Variants in MARCHF4 observed in about 807,000 individuals in gnomAD.
The protein encoded by MARCHF4 is E3 ubiquitin-protein ligase MARCHF4.
MARCHF4 carries 14 observed loss-of-function variants against 43.9 expected under a neutral mutation model. The ratio of observed to expected loss-of-function variants is 0.32; its 90% CI spans 0.21 to 0.50. MARCHF4 has a LOEUF of 0.50. MARCHF4 is among the 20% of genes least tolerant of loss of function. The probability of loss-of-function intolerance (pLI) is 0.98; values close to 1 mark genes in which losing one functional copy is unlikely to be tolerated. For missense variants in MARCHF4, 468 were observed against 536.7 expected (o/e 0.87, Z 1.27); for synonymous variants, 226 against 213.3 (o/e 1.06, Z -0.52).
intron 1 of MARCHF4, among the ~76,000 whole-genome samples, chr2:216,294,554 C>T (rs1401959720): frequency 6.6e-6 from 1 of 152,200 alleles, no homozygotes; most frequent in African/African-American, 2.4e-5. Flanking sequence ...CCAGCTCTGC[C>T]ACCCTCTCAG....
intron 3 of MARCHF4, among the ~76,000 whole-genome samples, chr2:216,272,147 T>C (rs1055672419): frequency 1.2e-4 from 18 of 152,030 alleles, no homozygotes; most frequent in African/African-American, 4.3e-4. Context: ...AGCTACTGTG[T>C]CTGGCCTGAA....
At chr2:216,259,923 C>T (rs1690714293) in intron 3 of MARCHF4, among the ~76,000 whole-genome samples, 1 of 152,192 alleles carries the variant, frequency 6.6e-6, no homozygotes, top group Non-Finnish European at 1.5e-5. Flanking sequence ...ACTTCTACAC[C>T]ACCCCACCCC....
chr2:216,259,197 C>A lies in MARCHF4; in HGVS notation c.*115G>T. On this transcript the variant is annotated 3_prime_UTR_variant, in exon 4 of 4. Coordinates refer to ENST00000273067, the MANE Select transcript of MARCHF4 (RefSeq NM_020814.3). ...TCTGACACTACCCCAGGGCTCCCGC[C>A]AGGTCCCCCACCCTCTGCCTGCTCC... 1 of 1,459,930 alleles carries A rather than the reference C, an allele frequency of 6.8e-7. No individual in the cohort carries two copies. The highest frequency in any genetic ancestry group is 9.1e-7 in the Non-Finnish European group (1 of 1,103,650). The allele number at this position is 1,459,930 out of a possible 1,614,324, so 90.4% of individuals were successfully genotyped here.
chr2:216,354,969 T>C (rs1031204743), intron 1 of MARCHF4, among the ~76,000 whole-genome samples: 10 of 143,992 alleles, frequency 6.9e-5, no homozygotes, highest in Admixed American at 3.5e-4. Context: ...CTTTCTTTCT[T>C]TCTTTCTTTC....
chr2:216,298,106 C>T (rs1050330181), intron 1 of MARCHF4, among the ~76,000 whole-genome samples: 5 of 152,186 alleles, frequency 3.3e-5, no homozygotes, highest in Non-Finnish European at 7.3e-5. Flanking sequence ...TCCCCATCCT[C>T]TTATGCTTCA....
chr2:216,369,698 G>T, intron 1 of MARCHF4, 47 bp downstream of exon 1: 1 of 1,478,960 alleles, frequency 6.8e-7, no homozygotes, highest in Non-Finnish European at 9.1e-7. Context: ...CAATCTGCAA[G>T]ACCTGAAAAT....
At chr2:216,312,896 A>G (rs1179942488) in intron 1 of MARCHF4, among the ~76,000 whole-genome samples, 3 of 116,234 alleles carry the variant, frequency 2.6e-5, no homozygotes, top group Non-Finnish European at 3.5e-5. Context: ...ACTAAGTCCC[A>G]TTTGTCTGTT....
At chr2:216,329,954 C>A (rs971612394) in intron 1 of MARCHF4, among the ~76,000 whole-genome samples, 1 of 151,822 alleles carries the variant, frequency 6.6e-6, no homozygotes, top group Non-Finnish European at 1.5e-5. Flanking sequence ...TGTGGTGATG[C>A]ACACCTGTCG....
chr2:216,321,503 T>C (rs998461686), intron 1 of MARCHF4: 3 of 152,108 alleles, frequency 2.0e-5, no homozygotes, highest in Admixed American at 2.0e-4. Flanking sequence ...AGGAACTGAG[T>C]TGGCAAAGAG....
intron 1 of MARCHF4, among the ~76,000 whole-genome samples, chr2:216,353,248 G>T (rs924310620): frequency 1.3e-5 from 2 of 152,164 alleles, no homozygotes; most frequent in African/African-American, 2.4e-5. Context: ...ACAGGGGTTA[G>T]CCCCAAATTC....
chr2:216,283,610 G>A lies in MARCHF4; in HGVS notation c.636C>T (p.Tyr212=), dbSNP rs751311684. 6.8e-6 allele frequency: 11 copies of A among 1,611,390 alleles called. No individual in the cohort carries two copies. The highest frequency in any genetic ancestry group is 9.3e-6 in the Non-Finnish European group (11 of 1,177,730). The change falls in exon 2 of 4, where the codon TAC becomes TAT. Residue 212 remains tyrosine, a synonymous_variant. Transcript: ENST00000273067. ...CWSCELCYYK[Y]HVIAISTKNP... ...TTTTTGTGCTTATGGCGATGACGTG[G>A]TACTTGTAGTAGCACAGCTCGCAGC...
Position 216,301,956 on chromosome 2 carries a change from G to A in MARCHF4, c.517-18227C>T, listed in dbSNP as rs188414679. 2.4e-4 allele frequency among the ~76,000 whole-genome samples: 37 copies of A among 152,326 alleles called. No homozygotes were observed. The East Asian group carries it at 4.8e-3, about 20-fold the overall frequency. ...CCTTCTAGTGAAGTGACATAGAGAA[G>A]TGGGACCAGTCATTGACCCACCCAA... is the stretch of plus-strand genomic sequence containing the variant. On this transcript the variant is annotated intron_variant, in intron 1 of 3. Coordinates refer to ENST00000273067, the MANE Select transcript of MARCHF4 (RefSeq NM_020814.3).
rs915726235 is a variant in MARCHF4, at chr2:216,359,772, G to T, written c.516+9973C>A. The stretch of plus-strand genomic sequence containing the variant: ...ACCTGCTTTCTGCTCTAAAAACGAA[G>T]TAGTACCCTTAAAGCAAGAAACCTG... On this transcript the variant is annotated intron_variant, in intron 1 of 3. Transcript: ENST00000273067. Among the ~76,000 whole-genome samples the T allele has an allele frequency of 5.3e-5, 8 of 152,200 alleles. No individual in the cohort carries two copies. In the East Asian group the frequency reaches 1.3e-3, roughly 26 times the overall value.
intron 1 of MARCHF4, among the ~76,000 whole-genome samples, chr2:216,320,242 T>C (rs576189754): frequency 1.7e-4 from 26 of 152,336 alleles, no homozygotes; most frequent in Middle Eastern, 6.8e-3. Flanking sequence ...AAGGATGCCA[T>C]GTATTAACTC....
At chr2:216,303,008 A>G (rs1290325692) in intron 1 of MARCHF4, among the ~76,000 whole-genome samples, 1 of 152,048 alleles carries the variant, frequency 6.6e-6, no homozygotes, top group African/African-American at 2.4e-5. Context: ...TCACACCTCA[A>G]TTCCATTTCT....
chr2:216,352,508 G>A (rs187600180), intron 1 of MARCHF4, among the ~76,000 whole-genome samples: 63 of 152,246 alleles, frequency 4.1e-4, no homozygotes, highest in African/African-American at 1.4e-3. Context: ...CTCTCTCTGA[G>A]CTTTTGCTTT....
chr2:216,333,500 A>G (rs1372280981), intron 1 of MARCHF4, among the ~76,000 whole-genome samples: 1 of 152,382 alleles, frequency 6.6e-6, no homozygotes, highest in East Asian at 1.9e-4. Flanking sequence ...TTGTTGCAGA[A>G]GCTGTGGAGA....
rs1332954490 is a variant in MARCHF4, at chr2:216,263,489, GAGAA to G, written c.866-3814_866-3811del. 9.6e-5 allele frequency among the ~76,000 whole-genome samples: 11 copies of G among 114,622 alleles called. 1 individual carries two copies. The South Asian group carries it at 9.8e-4, about 10-fold the overall frequency. The allele number at this position is 114,622 out of a possible 152,430, so 75.2% of individuals were successfully genotyped here. A position where few individuals can be genotyped will look rare whatever the true frequency, so the allele number is the denominator to read the frequency against. On this transcript the variant is annotated intron_variant, in intron 3 of 3. Transcript: ENST00000273067. ...AAAGAGAAAGAGAGAAAGAAGGAGA[GAGAA>G]AGAGAGAGAGAGAGAGAGAGAGAGA... is the stretch of plus-strand genomic sequence containing the variant.
rs141910130 is a variant in MARCHF4, at chr2:216,370,197, A to G, written c.64T>C (p.Tyr22His). The change falls in exon 1 of 4, where the codon TAT becomes CAT. Residue 22 changes from tyrosine (Y) to histidine (H), a missense_variant. This residue lies in a region of MARCHF4 where 190 missense variants were observed against 158.5 expected (regional missense o/e 1.20). Coordinates refer to ENST00000273067, the MANE Select transcript of MARCHF4 (RefSeq NM_020814.3). ...TGGGGGGCTGGGGCACACAATCCAT[A>G]GCAGTACCAGCCGGAGCAGCAGCAC... is the stretch of plus-strand genomic sequence containing the variant. ...WWCCCSGWYC[Y>H]GLCAPAPQML... 1.7e-5 allele frequency: 27 copies of G among 1,612,850 alleles called. No individual in the cohort carries two copies. In the African/African-American group the frequency reaches 3.6e-4, roughly 22 times the overall value.
Sources: allele counts gnomAD v4.1 joint callset (sites outside exome capture counted in the v4.1 genomes callset), GRCh38; gene constraint gnomAD v4.1.1; regional missense constraint gnomAD v4.1.1; transcripts MANE v1.5; gene names NCBI Gene and HGNC (gene_info 2026-07-23, HGNC 2026-07-21).